DIAPH3: variants seen among roughly 807,000 people sequenced by gnomAD.
DIAPH3 encodes diaphanous related formin 3, also known as protein diaphanous homolog 3.
In DIAPH3, 117 loss-of-function variants were observed where a neutral mutation model predicts 144.3. That is an observed-to-expected ratio of 0.81 (90% CI 0.70 to 0.95). The LOEUF is 0.95. DIAPH3 is among the 40% of genes least tolerant of loss of function. The pLI is 0.00. For missense variants in DIAPH3, 1,421 were observed against 1,412.7 expected (o/e 1.01, Z -0.09); for synonymous variants, 519 against 488.9 (o/e 1.06, Z -0.81).
intron 27 of DIAPH3, among the ~76,000 whole-genome samples, chr13:59,746,410 A>C (rs2036707060): frequency 6.7e-6 from 1 of 149,970 alleles, no homozygotes; most frequent in South Asian, 2.1e-4. Context: ...TTTTTAGTAG[A>C]TTGGGTTTCA....
At chr13:59,754,587 C>T (rs1443569498) in intron 27 of DIAPH3, among the ~76,000 whole-genome samples, 1 of 152,136 alleles carries the variant, frequency 6.6e-6, no homozygotes, top group African/African-American at 2.4e-5. Context: ...GCACCCTTTC[C>T]AATTACAAAT....
At chr13:59,989,537 C>T (rs1398288057) in intron 12 of DIAPH3, among the ~76,000 whole-genome samples, 1 of 151,658 alleles carries the variant, frequency 6.6e-6, no homozygotes, top group Non-Finnish European at 1.5e-5. Flanking sequence ...AATCAAGATA[C>T]CCGGGGTTTA....
intron 27 of DIAPH3, among the ~76,000 whole-genome samples, chr13:59,759,306 G>T (rs1436580785): frequency 1.3e-5 from 2 of 152,068 alleles, no homozygotes; most frequent in Non-Finnish European, 2.9e-5. Flanking sequence ...GGGCCCGGGG[G>T]CACAGAAACT....
intron 27 of DIAPH3, among the ~76,000 whole-genome samples, chr13:59,766,797 AAAAAG>A (rs1221851525): frequency 1.3e-5 from 2 of 151,850 alleles, no homozygotes; most frequent in South Asian, 4.1e-4. Flanking sequence ...TCAAAAAAAA[AAAAAG>A]AAAGAAAGAA....
At chr13:59,886,978 A>G (rs1365708787) in intron 20 of DIAPH3, among the ~76,000 whole-genome samples, 1 of 152,122 alleles carries the variant, frequency 6.6e-6, no homozygotes, top group African/African-American at 2.4e-5. Flanking sequence ...GTTCTCAACC[A>G]TAAAAGACAA....
At chr13:60,027,450 A>G (rs2054454750) in intron 5 of DIAPH3, among the ~76,000 whole-genome samples, 1 of 152,232 alleles carries the variant, frequency 6.6e-6, no homozygotes, top group South Asian at 2.1e-4. Context: ...ACAGTAATAA[A>G]TGTAGTATTC....
At chr13:60,034,595 C>T (rs541128681) in intron 5 of DIAPH3, 37 of 152,318 alleles carry the variant, frequency 2.4e-4, no homozygotes, top group African/African-American at 8.4e-4. Flanking sequence ...TCTCCTTGGG[C>T]AATTTGGTGA....
intron 22 of DIAPH3, among the ~76,000 whole-genome samples, chr13:59,857,087 T>G (rs758653882): frequency 6.6e-6 from 1 of 152,170 alleles, no homozygotes; most frequent in Non-Finnish European, 1.5e-5. Flanking sequence ...GCAATTAAAC[T>G]AATAACTAAT....
chr13:59,983,985 T>C, intron 12 of DIAPH3, 98 bp from the exon 13 acceptor site: 1 of 768,332 alleles, frequency 1.3e-6, no homozygotes, highest in Admixed American at 1.9e-5. Flanking sequence ...AGTTCAACAA[T>C]TTATTAGTAA....
chr13:59,970,058 T>TTGTAGATCAGAC lies in DIAPH3; in HGVS notation c.1960-1_1960insGTCTGATCTACA (p.Lys653_Ile654insValTer). 3 of 1,567,016 alleles carry TTGTAGATCAGAC rather than the reference T, an allele frequency of 1.9e-6. No individual in the cohort carries two copies. The highest frequency in any genetic ancestry group is 2.6e-6 in the Non-Finnish European group (3 of 1,142,746). On this transcript the variant is annotated stop_gained and inframe_insertion and splice_region_variant. Coordinates refer to ENST00000400324, the MANE Select transcript of DIAPH3 (RefSeq NM_001042517.2). LOFTEE classifies it high-confidence loss of function. ...TTTTCAGTCATTTCATGAGGTCTGA[T>TTGTAGATCAGAC]CTACAATCAGAGAGAAGACTGATTC... is the stretch of plus-strand genomic sequence containing the variant.
chr13:59,694,737 G>T (rs76899096), intron 27 of DIAPH3, among the ~76,000 whole-genome samples: 1 of 152,000 alleles, frequency 6.6e-6, no homozygotes, highest in African/African-American at 2.4e-5. Flanking sequence ...TAAAAAAAAA[G>T]TTACAGTTGT....
At chr13:59,960,494 C>CG (rs1165783322) in intron 17 of DIAPH3, among the ~76,000 whole-genome samples, 1 of 152,122 alleles carries the variant, frequency 6.6e-6, no homozygotes, top group African/African-American at 2.4e-5. Flanking sequence ...AGAGTTATCA[C>CG]GCCTCCTGCA....
chr13:59,980,577 T>C (rs926150343), intron 14 of DIAPH3, among the ~76,000 whole-genome samples: 13 of 151,454 alleles, frequency 8.6e-5, no homozygotes, highest in African/African-American at 3.1e-4. Context: ...ATAAATACAT[T>C]CAAAGAAAAA....
At chr13:60,080,007 T>C (rs1174355547) in intron 4 of DIAPH3, among the ~76,000 whole-genome samples, 2 of 151,836 alleles carry the variant, frequency 1.3e-5, no homozygotes, top group Admixed American at 1.3e-4. Context: ...AACCGAGTCC[T>C]AGAGAAAAAT....
chr13:60,026,614 A>G (rs2054391100), intron 5 of DIAPH3, among the ~76,000 whole-genome samples: 1 of 152,182 alleles, frequency 6.6e-6, no homozygotes, highest in Non-Finnish European at 1.5e-5. Context: ...TTGAAAAAAA[A>G]AATGTTTGGG....
intron 17 of DIAPH3, among the ~76,000 whole-genome samples, chr13:59,957,079 G>T (rs1297819094): frequency 1.3e-5 from 2 of 152,172 alleles, no homozygotes; most frequent in Non-Finnish European, 2.9e-5. Flanking sequence ...AACTTGCCTT[G>T]TCTCAGATGA....
At chr13:59,729,183 G>A (rs558495298) in intron 27 of DIAPH3, among the ~76,000 whole-genome samples, 27 of 152,278 alleles carry the variant, frequency 1.8e-4, no homozygotes, top group African/African-American at 6.5e-4. Context: ...ATAGTCAGTG[G>A]ACTGGGTCAA....
intron 25 of DIAPH3, among the ~76,000 whole-genome samples, chr13:59,809,298 T>TA (rs2040348222): frequency 6.6e-6 from 1 of 152,122 alleles, no homozygotes; most frequent in Admixed American, 6.5e-5. Context: ...GGTCAGGAGT[T>TA]AAAGACCAGC....
At chr13:59,893,255 A>G (rs1566478105) in intron 20 of DIAPH3, among the ~76,000 whole-genome samples, 2 of 152,146 alleles carry the variant, frequency 1.3e-5, no homozygotes, top group Non-Finnish European at 2.9e-5. Flanking sequence ...TTCCATTGCC[A>G]TTTCATTAAC....
Sources: gnomAD v4.1 joint callset for allele counts (sites outside exome capture counted in the v4.1 genomes callset) on GRCh38, gnomAD v4.1.1 for gene constraint, MANE v1.5 for transcripts, NCBI Gene and HGNC (gene_info 2026-07-23, HGNC 2026-07-21) for gene names.